Variants in ADCY2 observed in about 807,000 individuals in gnomAD.
ADCY2 encodes the protein adenylate cyclase type 2.
ADCY2 carries 31 observed loss-of-function variants against 125.2 expected under a neutral mutation model. The observed-to-expected ratio is 0.25, with a 90% confidence interval of 0.19 to 0.33. The LOEUF is 0.33. Ranked by LOEUF, ADCY2 falls within the 10% of genes least tolerant of loss-of-function variation. The probability of loss-of-function intolerance (pLI) is 1.00; values close to 1 mark genes in which losing one functional copy is unlikely to be tolerated. For synonymous variants in ADCY2, 512 were observed against 548.4 expected, an observed-to-expected ratio of 0.93 and a Z score of 0.93; for missense variants, 904 against 1,418.2, an observed-to-expected ratio of 0.64 and a Z score of 5.82.
intron 12 of ADCY2, among the ~76,000 whole-genome samples, chr5:7,723,566 T>C (rs1035427756): frequency 6.6e-6 from 1 of 152,162 alleles, no homozygotes; most frequent in Non-Finnish European, 1.5e-5. Flanking sequence ...ATGCATGCGT[T>C]TTTATGTTTG....
intron 4 of ADCY2, among the ~76,000 whole-genome samples, chr5:7,673,702 G>T (rs1740017589): frequency 6.6e-6 from 1 of 152,162 alleles, no homozygotes; most frequent in African/African-American, 2.4e-5. Context: ...CACTGGTTTA[G>T]AATGCAGCCC....
At chr5:7,659,202 AG>A (rs1739443578) in intron 4 of ADCY2, among the ~76,000 whole-genome samples, 3 of 152,252 alleles carry the variant, frequency 2.0e-5, no homozygotes, top group Admixed American at 2.0e-4. Flanking sequence ...TTTTCAGCAT[AG>A]GTATGGTTTT....
rs762765611 is a variant in ADCY2 at position 7,706,834 on chromosome 5, G to A, written c.1200G>A (p.Lys400=). The change falls in exon 8 of 25, where the codon AAG becomes AAA. Residue 400 remains lysine (K), a synonymous_variant. Transcript: ENST00000338316. ...NVLCGVIGLQ[K]WQYDVWSHDV... ...TGTGTGGCGTGATTGGTCTGCAGAAGTGGCAATATGATGTGTGGTCACATG... is the reference window on the plus strand; with the variant it reads ...TGTGTGGCGTGATTGGTCTGCAGAAATGGCAATATGATGTGTGGTCACATG... 6.2e-7 allele frequency: 1 copy of A among 1,614,270 alleles called. No individual in the cohort carries two copies. Among genetic ancestry groups the A allele is most frequent in the Non-Finnish European group, 8.5e-7 (1 of 1,180,048 alleles).
chr5:7,535,328 T>C (rs1734780948), intron 3 of ADCY2, among the ~76,000 whole-genome samples: 1 of 152,216 alleles, frequency 6.6e-6, no homozygotes, highest in South Asian at 2.1e-4. Context: ...TTATAACAGT[T>C]TTATTTGCAG....
chr5:7,755,687 C>A (rs771962966), intron 15 of ADCY2, among the ~76,000 whole-genome samples: 3 of 152,134 alleles, frequency 2.0e-5, no homozygotes, highest in African/African-American at 7.2e-5. Context: ...CATTAATTTG[C>A]GCAAGTTTCC....
At position 7,707,796 on chromosome 5, in the gene ADCY2, A is replaced by G; in HGVS notation, c.1359A>G (p.Leu453=). The change falls in exon 9 of 25, where the codon TTA becomes TTG. Residue 453 remains leucine, a synonymous_variant. Coordinates refer to ENST00000338316, the MANE Select transcript of ADCY2 (RefSeq NM_020546.3). ...EGDGDIRDPY[L]KQHLVKTYFV... ...ATGGTGACATTAGGGACCCATATTTAAAACAGCACCTGGTGAAAACCTACT... is the reference window on the plus strand; with the variant it reads ...ATGGTGACATTAGGGACCCATATTTGAAACAGCACCTGGTGAAAACCTACT... The G allele has an allele frequency of 6.2e-7, 1 of 1,614,170 alleles. No individual in the cohort carries two copies. Among genetic ancestry groups the G allele is most frequent in the Non-Finnish European group, 8.5e-7 (1 of 1,180,028 alleles).
At chr5:7,518,064 G>A (rs1744313604) in intron 2 of ADCY2, among the ~76,000 whole-genome samples, 1 of 152,156 alleles carries the variant, frequency 6.6e-6, no homozygotes, top group East Asian at 1.9e-4. Flanking sequence ...GCAACACAGA[G>A]ATTCCAAAAT....
At chr5:7,433,246 G>T (rs1331265856) in intron 2 of ADCY2, among the ~76,000 whole-genome samples, 1 of 152,168 alleles carries the variant, frequency 6.6e-6, no homozygotes, top group Non-Finnish European at 1.5e-5. Context: ...GATGGTCTAA[G>T]AAAATGACAG....
chr5:7,612,464 G>A (rs138141911), intron 3 of ADCY2, among the ~76,000 whole-genome samples: 79 of 152,366 alleles, frequency 5.2e-4, no homozygotes, highest in South Asian at 2.1e-3. Context: ...TAGGGAAGGA[G>A]GAAGCTGAGC....
intron 2 of ADCY2, among the ~76,000 whole-genome samples, chr5:7,483,647 G>T (rs952400183): frequency 6.6e-6 from 1 of 152,148 alleles, no homozygotes; most frequent in Non-Finnish European, 1.5e-5. Context: ...GGGAGTGCCG[G>T]GTGGAAGGTG....
intron 15 of ADCY2, among the ~76,000 whole-genome samples, chr5:7,752,348 C>A (rs1742853497): frequency 6.6e-6 from 1 of 152,126 alleles, no homozygotes; most frequent in African/African-American, 2.4e-5. Flanking sequence ...GGCAAATACA[C>A]AAAAGTACAT....
intron 3 of ADCY2, among the ~76,000 whole-genome samples, chr5:7,535,440 C>A (rs1291166771): frequency 6.6e-6 from 1 of 152,124 alleles, no homozygotes; most frequent in Non-Finnish European, 1.5e-5. Flanking sequence ...AAATAAAAAG[C>A]CTCTAGGTGT....
At chr5:7,726,088 G>T (rs1184193778) in intron 13 of ADCY2, among the ~76,000 whole-genome samples, 2 of 152,184 alleles carry the variant, frequency 1.3e-5, no homozygotes, top group African/African-American at 4.8e-5. Context: ...CACTAAACTA[G>T]AGAGGCTAAA....
intron 2 of ADCY2, among the ~76,000 whole-genome samples, chr5:7,500,244 A>C (rs1461620499): frequency 2.0e-5 from 3 of 152,218 alleles, no homozygotes; most frequent in Admixed American, 2.0e-4. Context: ...CAAGTGATTA[A>C]ATAGATAAAT....
chr5:7,600,967 G>A (rs1269334197), intron 3 of ADCY2, among the ~76,000 whole-genome samples: 2 of 152,138 alleles, frequency 1.3e-5, no homozygotes, highest in African/African-American at 4.8e-5. Context: ...TTGGGATGAA[G>A]GTCACTGGTG....
At chr5:7,476,343 G>T (rs892941118) in intron 2 of ADCY2, among the ~76,000 whole-genome samples, 2 of 152,078 alleles carry the variant, frequency 1.3e-5, no homozygotes, top group Non-Finnish European at 2.9e-5. Context: ...GATCCCCCAC[G>T]CCTGGACATT....
intron 2 of ADCY2, among the ~76,000 whole-genome samples, chr5:7,481,099 A>G (rs1337995939): frequency 6.6e-6 from 1 of 152,196 alleles, no homozygotes; most frequent in Non-Finnish European, 1.5e-5. Context: ...TGTTTTCACC[A>G]ACATTTTACA....
At position 7,626,321 on chromosome 5, in the gene ADCY2, T is replaced by C. The variant is rs1436446858; in HGVS notation, c.720+5T>C. 6.2e-7 allele frequency: 1 copy of C among 1,613,286 alleles called. No individual in the cohort carries two copies. On this transcript the variant is annotated splice_donor_5th_base_variant and intron_variant, in intron 4 of 24. Coordinates refer to ENST00000338316, the MANE Select transcript of ADCY2 (RefSeq NM_020546.3). ...GAATTTGAAAAACGTCAACAGGTAA[T>C]GGATGTTTCATCTTACATCCACATT...
rs1740779550 is a variant in ADCY2, at chr5:7,693,413, G to GTTTTGTTTTTTT, written c.870-2335_870-2334insGTTTTTTTTTTT. On this transcript the variant is annotated intron_variant, in intron 5 of 24. Coordinates refer to ENST00000338316, the MANE Select transcript of ADCY2 (RefSeq NM_020546.3). ...GCATCACAATTGCCTGCTGTTTTTT[G>GTTTTGTTTTTTT]TTTTTTTTTTTTTTTTTTTTTTTGA... 6.8e-4 allele frequency among the ~76,000 whole-genome samples: 22 copies of GTTTTGTTTTTTT among 32,420 alleles called. 1 individual carries two copies. The highest frequency in any genetic ancestry group is 2.4e-3 in the East Asian group (1 of 422). 21.3% of individuals were successfully genotyped at this position (32,420 alleles called of 152,430 possible).
Sources: allele counts gnomAD v4.1 joint callset (sites outside exome capture counted in the v4.1 genomes callset), GRCh38; gene constraint gnomAD v4.1.1; transcripts MANE v1.5; gene names NCBI Gene and HGNC (gene_info 2026-07-23, HGNC 2026-07-21).